PACS2: variants seen among roughly 807,000 people sequenced by gnomAD.
PACS2 encodes the protein phosphofurin acidic cluster sorting protein 2.
A neutral mutation model predicts 113.0 loss-of-function variants in PACS2; 36 were observed. The observed-to-expected ratio is 0.32, with a 90% CI of 0.24 to 0.42. The LOEUF is 0.42. PACS2 is among the 10% of genes least tolerant of loss of function. The pLI, the probability that PACS2 is intolerant of heterozygous loss-of-function variation, is 1.00. For missense variants in PACS2, 1,015 were observed against 1,239.5 expected, an observed-to-expected ratio of 0.82 and a Z score of 2.72; for synonymous variants, 589 against 536.1, an observed-to-expected ratio of 1.10 and a Z score of -1.36.
chr14:105,351,454 T>A (rs587721156), intron 2 of PACS2, among the ~76,000 whole-genome samples: 128 of 152,276 alleles, frequency 8.4e-4, no homozygotes, highest in African/African-American at 3.0e-3. Context: ...CTACCCTCAT[T>A]TTTGTGACAG....
Position 105,304,568 on chromosome 14 carries a change from A to G in PACS2, c.-83+3589A>G, listed in dbSNP as rs587701129. On this transcript the variant is annotated intron_variant, in intron 1 of 23. Coordinates refer to the PACS2 transcript ENST00000430725. ...GCAATGGCCCAAGGTGCGTGCTGCC[A>G]GAACTAAGCCTTTGCTCAGATGGGC... is the stretch of plus-strand genomic sequence containing the variant. Among the ~76,000 whole-genome samples the G allele has an allele frequency of 2.2e-4, 33 of 152,388 alleles. No individual in the cohort carries two copies. The East Asian group carries it at 6.4e-3, about 29-fold the overall frequency.
At chr14:105,314,275 G>C (rs924930599), upstream of PACS2, 8 of 152,136 alleles carry the variant, frequency 5.3e-5, no homozygotes, top group Non-Finnish European at 1.2e-4. Flanking sequence ...GCGAGGGCAG[G>C]GGGGCGGGGA....
At chr14:105,378,344 G>A (rs57091581) in intron 9 of PACS2, among the ~76,000 whole-genome samples, 12,160 of 152,244 alleles carry the variant, frequency 0.08, 1,649 homozygotes, top group African/African-American at 0.28. Context: ...AAGTTTCCAC[G>A]TGGGTTTGTC....
intron 12 of PACS2, 126 bp downstream of exon 12, chr14:105,381,225 G>T: frequency 1.4e-6 from 1 of 728,668 alleles, no homozygotes; most frequent in Non-Finnish European, 2.2e-6. Context: ...GTAGACAGCA[G>T]ATTCAGGGCC....
At position 105,348,545 on chromosome 14, in the gene PACS2, G is replaced by A; in HGVS notation, c.172G>A (p.Glu58Lys). ...GGTGGTCTTCAAGGAGCTGGAGAAG[G>A]AGCTGATCTCCGTGGTGATCGCTGT... Reference protein sequence around the residue: ...KLVVFKELEKELISVVIAVKM... With the variant: ...KLVVFKELEKKLISVVIAVKM... The change falls in exon 2 of 25, where the codon GAG (glutamate) becomes AAG (lysine). Residue 58 changes from glutamate (E) to lysine (K), a missense_variant. By Grantham distance (56) the Glu-to-Lys change is moderately conservative. Transcript: ENST00000447393. The surrounding 1 kb of genome is among the most constrained non-coding windows in gnomAD (Gnocchi z 6.4). 6.2e-7 allele frequency: 1 copy of A among 1,612,478 alleles called. No homozygotes were observed.
At chr14:105,381,205 T>C in intron 12 of PACS2, 106 bp downstream of exon 12, 2 of 945,980 alleles carry the variant, frequency 2.1e-6, no homozygotes, top group Non-Finnish European at 3.2e-6. Flanking sequence ...CCTGATGAGC[T>C]CCCTCGGGTG....
intron 18 of PACS2, 23 bp downstream of exon 18, chr14:105,385,010 C>CAT (rs1214171067): frequency 7.1e-7 from 1 of 1,412,430 alleles, no homozygotes; most frequent in Non-Finnish European, 9.8e-7. Flanking sequence ...GCCCAGGCAC[C>CAT]ATACCACAGG....
chr14:105,336,893 C>T (rs138798967), intron 1 of PACS2, among the ~76,000 whole-genome samples: 72 of 152,260 alleles, frequency 4.7e-4, no homozygotes, highest in African/African-American at 1.7e-3. Context: ...CAGTAGAACC[C>T]GGGAGCACTG....
intron 21 of PACS2, 119 bp from the exon 22 acceptor site, chr14:105,391,512 T>TGGCCCCCCCCCCCC: frequency 1.3e-5 from 8 of 611,302 alleles, no homozygotes; most frequent in Admixed American, 2.8e-5. Context: ...CACTGGGGAC[T>TGGCCCCCCCCCCCC]CCCACCCTGC....
chr14:105,337,741 T>TGCCCCTGAGATCCTGTCCC (rs1555400796), intron 1 of PACS2, among the ~76,000 whole-genome samples: 3 of 152,190 alleles, frequency 2.0e-5, no homozygotes, highest in Admixed American at 6.5e-5. Context: ...TCTCCAGACC[T>TGCCCCTGAGATCCTGTCCC]GCCCCTGAGA....
At position 105,380,929 on chromosome 14, in the gene PACS2, AGGCTCCAGGCCC is replaced by A; in HGVS notation, c.1126-26_1126-15del. On this transcript the variant is annotated splice_polypyrimidine_tract_variant and intron_variant, in intron 11 of 24. Coordinates refer to ENST00000447393, the MANE Select transcript of PACS2 (RefSeq NM_001100913.3). ...GCAGCACGGGTGTGGTTTCCACGGGAGGCTCCAGGCCCGTCTCTGCTCAGCAGGGTGTGCCAG... is the reference window on the plus strand; with the variant it reads ...GCAGCACGGGTGTGGTTTCCACGGGAGTCTCTGCTCAGCAGGGTGTGCCAG... 1 of 1,590,414 alleles carries A rather than the reference AGGCTCCAGGCCC, an allele frequency of 6.3e-7. No homozygotes were observed. The highest frequency in any genetic ancestry group is 8.6e-7 in the Non-Finnish European group (1 of 1,165,464).
chr14:105,344,880 G>A (rs1352479053), intron 1 of PACS2, among the ~76,000 whole-genome samples: 1 of 152,004 alleles, frequency 6.6e-6, no homozygotes, highest in Non-Finnish European at 1.5e-5. Context: ...GGCCGAGGTG[G>A]GTGGATCACC....
Position 105,367,267 on chromosome 14 carries a change from A to G in PACS2, c.478A>G (p.Lys160Glu). ...GQVLSLCSSI[K>E]EAPVKAAEIW... ...GGTGCTGAGCCTCTGCAGCAGCATC[A>G]AGGAGGCCCCCGTCAAGGCGGCCGA... Residue 160 changes from lysine (K) to glutamate (E), a missense_variant, in exon 5 of 25, where the codon AAG becomes GAG. Around this residue, in one of 3 missense-constraint regions of PACS2, gnomAD observed 859 missense variants for 1,056.8 expected, o/e 0.81. Transcript: ENST00000447393. 6.2e-7 allele frequency: 1 copy of G among 1,613,134 alleles called. No individual in the cohort carries two copies. Among genetic ancestry groups the G allele is most frequent in the Non-Finnish European group, 8.5e-7 (1 of 1,179,950 alleles).
intron 4 of PACS2, among the ~76,000 whole-genome samples, chr14:105,359,131 C>T (rs1307531409): frequency 1.3e-5 from 2 of 152,100 alleles, no homozygotes; most frequent in African/African-American, 4.8e-5. Context: ...TTCGCATCCA[C>T]ACACACGTCC....
intron 1 of PACS2, among the ~76,000 whole-genome samples, chr14:105,332,346 G>T (rs145401862): frequency 1.4e-4 from 21 of 152,334 alleles, no homozygotes; most frequent in Non-Finnish European, 3.1e-4. Context: ...GCTAGTCCCA[G>T]ACCCACAACA....
chr14:105,334,867 C>T (rs1045624287), intron 1 of PACS2, among the ~76,000 whole-genome samples: 1 of 152,268 alleles, frequency 6.6e-6, no homozygotes, highest in Non-Finnish European at 1.5e-5. Context: ...GTCTGGCAGC[C>T]TCGGGAGTGT....
intron 8 of PACS2, among the ~76,000 whole-genome samples, chr14:105,373,655 G>T (rs1415048456): frequency 6.6e-6 from 1 of 152,094 alleles, no homozygotes; most frequent in African/African-American, 2.4e-5. Flanking sequence ...GGGCATGGTG[G>T]TATGCACCTG....
chr14:105,328,683 C>T (rs2059205444), intron 1 of PACS2, among the ~76,000 whole-genome samples: 1 of 152,214 alleles, frequency 6.6e-6, no homozygotes, highest in Admixed American at 6.5e-5. Flanking sequence ...CACTCAGCAC[C>T]TTTCTGCTGA....
intron 6 of PACS2, 87 bp downstream of exon 6, chr14:105,368,234 G>T: frequency 9.8e-7 from 1 of 1,015,546 alleles, no homozygotes. Flanking sequence ...TGTCACCAGG[G>T]CCTCGTGAGG....
Sources: gnomAD v4.1 joint callset for allele counts (sites outside exome capture counted in the v4.1 genomes callset) on GRCh38, gnomAD v4.1.1 for gene constraint, gnomAD v4.1.1 regional missense constraint, Gnocchi (gnomAD v3.1) non-coding constraint, MANE v1.5 for transcripts, NCBI Gene and HGNC (gene_info 2026-07-23, HGNC 2026-07-21) for gene names.